GIGYF1: variants seen among roughly 807,000 people sequenced by gnomAD.
GIGYF1 encodes GRB10-interacting GYF protein 1.
GIGYF1 carries 84 observed loss-of-function variants against 147.1 expected under a neutral mutation model. The ratio of observed to expected loss-of-function variants is 0.57; its 90% CI spans 0.48 to 0.68. GIGYF1 has a LOEUF of 0.68. Among genes scored for constraint, GIGYF1 ranks in the 30% least tolerant of loss-of-function variants. The probability of loss-of-function intolerance (pLI) is 0.00; values close to 1 mark genes in which losing one functional copy is unlikely to be tolerated. For synonymous variants in GIGYF1, 752 were observed against 589.5 expected (o/e 1.28, Z -3.99); for missense variants, 1,485 against 1,393.7 (o/e 1.07, Z -1.04).
chr7:100,683,171 G>T lies in GIGYF1; in HGVS notation c.2253C>A (p.Pro751=), dbSNP rs1486842869. 6.2e-7 allele frequency: 1 copy of T among 1,604,682 alleles called. No individual in the cohort carries two copies. Among genetic ancestry groups the T allele is most frequent in the Admixed American group, 1.7e-5 (1 of 59,622 alleles). The change falls in exon 22 of 27, where the codon CCC becomes CCA. Residue 751 remains proline (P), a synonymous_variant. Transcript: ENST00000678049. ...GTGGGGGCGGGGAGCTGGGTGCGGG[G>T]GGCACAGGGACCGCCTGCTGCTGCT... The part of the protein sequence containing the change: ...LLQQQQAVPV[P]PAPSSPPPLW...
rs1805080204 is a variant in GIGYF1 at position 100,684,113 on chromosome 7, C to G, written c.1775G>C (p.Gly592Ala). The change falls in exon 18 of 27, where the codon GGG becomes GCG. Residue 592 changes from glycine to alanine, a missense_variant. Physicochemically the swap from Gly to Ala is moderately conservative, Grantham distance 60 (BLOSUM62 0). Transcript: ENST00000678049. ...QCALREKAAL[G>A]DLTPPPPPPP... ...CGGCGGTGGTGGCGGTGTCAGGTCC[C>G]CCAGAGCTGCCTTTTCTCGGAGCGC... 1 of 1,608,212 alleles carries G rather than the reference C, an allele frequency of 6.2e-7. No individual in the cohort carries two copies. The highest frequency in any genetic ancestry group is 1.3e-5 in the African/African-American group (1 of 74,922).
In GIGYF1 at chr7:100,683,040, G is replaced by A. The variant is rs770017575; in HGVS notation, c.2384C>T (p.Ala795Val). The A allele has an allele frequency of 1.0e-5, 16 of 1,558,168 alleles. No individual in the cohort carries two copies. The highest frequency in any genetic ancestry group is 1.4e-5 in the Non-Finnish European group (16 of 1,157,428). Residue 795 changes from alanine to valine, a missense_variant, in exon 22 of 27, where the codon GCT becomes GTT. Transcript: ENST00000678049. Reference sequence around the variant, plus strand: ...TCGGTGGTTGGGGGCCTGGGCCCGAGCTGGCTCCCGAGGTGGGGGCTGTTT... The same window carrying A: ...TCGGTGGTTGGGGGCCTGGGCCCGAACTGGCTCCCGAGGTGGGGGCTGTTT... ...LHKQPPPREP[A>V]RAQAPNHRVQ...
rs768030048 is a variant in GIGYF1 at position 100,686,681 on chromosome 7, C to T, written c.662G>A (p.Arg221Gln). Residue 221 changes from arginine (R) to glutamine (Q), a missense_variant, in exon 10 of 27, where the codon CGA becomes CAA. Coordinates refer to ENST00000678049, the MANE Select transcript of GIGYF1 (RefSeq NM_001375765.1). ...GSWRLGAGPR[R>Q]DGDRWRSASP... ...GGCGGAGCGCCAGCGGTCGCCGTCT[C>T]GCCGGGGCCCTGCTCCGAGCCTCCA... The T allele has an allele frequency of 3.5e-5, 56 of 1,612,786 alleles. No homozygotes were observed. The highest frequency in any genetic ancestry group is 1.7e-4 in the Middle Eastern group (1 of 6,052).
chr7:100,686,768 C>A lies in GIGYF1; in HGVS notation c.575G>T (p.Arg192Leu). ...GGAGPRKEHA[R>L]SDSENWRSLR... is the part of the protein sequence containing the mutation. ...GGAGCGCCAGTTCTCGCTGTCTGAG[C>A]GGGCGTGCTCCTTCCTTGGGCCAGC... Residue 192 changes from arginine to leucine, a missense_variant, in exon 10 of 27, where the codon CGC becomes CTC. Physicochemically the swap from Arg to Leu is moderately radical, Grantham distance 102. Transcript: ENST00000678049. 6.2e-7 allele frequency: 1 copy of A among 1,614,042 alleles called. No individual in the cohort carries two copies. The highest frequency in any genetic ancestry group is 8.5e-7 in the Non-Finnish European group (1 of 1,180,012).
rs757884638 is a variant in GIGYF1 at position 100,682,689 on chromosome 7, C to G, written c.2501G>C (p.Gly834Ala). The G allele has an allele frequency of 6.3e-7, 1 of 1,599,554 alleles. No homozygotes were observed. Among genetic ancestry groups the G allele is most frequent in the Admixed American group, 1.7e-5 (1 of 58,376 alleles). The change falls in exon 23 of 27, where the codon GGC (glycine) becomes GCC (alanine). Residue 834 changes from glycine to alanine, a missense_variant. Coordinates refer to ENST00000678049, the MANE Select transcript of GIGYF1 (RefSeq NM_001375765.1). The part of the protein sequence containing the change: ...LWGGPDKSGG[G>A]SSGLGLWEDT... ...CTCCCAGAGCCCCAGGCCGCTGCTG[C>G]CGCCCCCACTCTTGTCTGGCCCGCC...
chr7:100,691,090 TG>T (rs1236427365), intron 1 of GIGYF1, among the ~76,000 whole-genome samples: 1 of 152,320 alleles, frequency 6.6e-6, no homozygotes, highest in South Asian at 2.1e-4. Context: ...TGATGGTGCC[TG>T]GCCCCTTCCT....
In GIGYF1 at chr7:100,682,173, G is replaced by C. The variant is rs773640010; in HGVS notation, c.2824C>G (p.Arg942Gly). The change falls in exon 25 of 27, where the codon CGT becomes GGT. Residue 942 changes from arginine (R) to glycine (G), a missense_variant. By Grantham distance (125) the Arg-to-Gly change is moderately radical. Transcript: ENST00000678049. ...ESPYDVHDYI[R>G]SCLGDTLEAK... is the part of the protein sequence containing the mutation. Reference sequence around the variant, plus strand: ...TCCAGCGTGTCCCCCAGGCAGGAACGGATATAATCGTGGACATCATAGGGG... The same window carrying C: ...TCCAGCGTGTCCCCCAGGCAGGAACCGATATAATCGTGGACATCATAGGGG... 1 of 1,613,938 alleles carries C rather than the reference G, an allele frequency of 6.2e-7. No homozygotes were observed.
rs532695822 is a variant in GIGYF1, at chr7:100,684,146, G to A, written c.1742C>T (p.Pro581Leu). The A allele has an allele frequency of 1.1e-5, 17 of 1,608,442 alleles. 1 individual carries two copies. The highest frequency in any genetic ancestry group is 5.5e-5 in the South Asian group (5 of 91,002). The change falls in exon 18 of 27, where the codon CCA (proline) becomes CTA (leucine). Residue 581 changes from proline (P) to leucine (L), a missense_variant. Pro to Leu is a moderately conservative substitution (Grantham distance 98). Transcript: ENST00000678049. The part of the protein sequence containing the change: ...FLQLVSSRQL[P>L]QCALREKAAL... The stretch of plus-strand genomic sequence containing the variant: ...TGCCTTTTCTCGGAGCGCGCACTGT[G>A]GGAGCTGGCGGCTGCAAATGGGACA...
At position 100,683,405 on chromosome 7, in the gene GIGYF1, CCCGCTTCGCCCTGAG is replaced by C; in HGVS notation, c.2077_2091del (p.Leu693_Arg697del). ...TCTCGACGCTTGCGTTCCTCTTCCT[CCCGCTTCGCCCTGAG>C]CTCCACTTCTCTGCGCTCCTGGAAC... On this transcript the variant is annotated inframe_deletion, in exon 21 of 27. Coordinates refer to ENST00000678049, the MANE Select transcript of GIGYF1 (RefSeq NM_001375765.1). 3.1e-6 allele frequency: 5 copies of C among 1,613,804 alleles called. No homozygotes were observed. The highest frequency in any genetic ancestry group is 4.2e-6 in the Non-Finnish European group (5 of 1,180,022).
At position 100,688,282 on chromosome 7, in the gene GIGYF1, G is replaced by T; in HGVS notation, c.-44C>A. 5 of 1,269,156 alleles carry T rather than the reference G, an allele frequency of 3.9e-6. No individual in the cohort carries two copies. The highest frequency in any genetic ancestry group is 5.8e-6 in the Non-Finnish European group (5 of 868,870). The allele number at this position is 1,269,156 out of a possible 1,614,324, so 78.6% of individuals were successfully genotyped here. A position where few individuals can be genotyped will look rare whatever the true frequency, so the allele number is the denominator to read the frequency against. On this transcript the variant is annotated 5_prime_UTR_variant, in exon 4 of 27. Coordinates refer to ENST00000678049, the MANE Select transcript of GIGYF1 (RefSeq NM_001375765.1). ...TGAGAGGCCGGGGGTGGGGAGGAGG[G>T]GACCTGGCGTTCACTGTCCAAACAC...
At chr7:100,684,970 G>T in intron 14 of GIGYF1, 76 bp from the exon 15 acceptor site, 2 of 1,557,312 alleles carry the variant, frequency 1.3e-6, no homozygotes, top group Non-Finnish European at 8.6e-7. Flanking sequence ...GATGGAGCTT[G>T]AGCTGGGGCC....
chr7:100,684,567 A>G lies in GIGYF1; in HGVS notation c.1512T>C (p.Phe504=). ...CCCGCTTCACCAGCAGTGACATGGAAAAGTAGCCGGCCTGGAACCACTCTG... is the reference window on the plus strand; with the variant it reads ...CCCGCTTCACCAGCAGTGACATGGAGAAGTAGCCGGCCTGGAACCACTCTG... ...EMAEWFQAGY[F]SMSLLVKRGC... Residue 504 remains phenylalanine (F), a synonymous_variant, in exon 16 of 27, where the codon TTT becomes TTC. Transcript: ENST00000678049. The G allele has an allele frequency of 2.5e-6, 4 of 1,614,176 alleles. No homozygotes were observed. Among genetic ancestry groups the G allele is most frequent in the Non-Finnish European group, 1.7e-6 (2 of 1,180,030 alleles).
chr7:100,685,625 G>A, intron 12 of GIGYF1, 144 bp from the exon 13 acceptor site: 7 of 897,690 alleles, frequency 7.8e-6, no homozygotes, highest in African/African-American at 1.7e-5. Context: ...CTCAACTAAT[G>A]GCAGAGGGAA....
At position 100,686,388 on chromosome 7, in the gene GIGYF1, C is replaced by T. The variant is rs374895463; in HGVS notation, c.740G>A (p.Arg247Gln). The change falls in exon 11 of 27, where the codon CGG (arginine) becomes CAG (glutamine). Residue 247 changes from arginine to glutamine, a missense_variant. Transcript: ENST00000678049. ...TCGCAAATCAAATTCAAACTTGCGC[C>T]GCCGTTCCCCATGTTCCCGCCAGCC... Reference protein sequence around the residue: ...SAGWREHGERRRKFEFDLRGD... With the variant: ...SAGWREHGERQRKFEFDLRGD... 3.2e-5 allele frequency: 52 copies of T among 1,610,966 alleles called. No homozygotes were observed. The highest frequency in any genetic ancestry group is 4.0e-5 in the Non-Finnish European group (47 of 1,178,478).
Position 100,685,173 on chromosome 7 carries a change from A to G in GIGYF1, c.1193-27T>C, listed in dbSNP as rs2131378842. 2.6e-6 allele frequency: 4 copies of G among 1,552,810 alleles called. No individual in the cohort carries two copies. In the East Asian group the frequency reaches 9.4e-5, roughly 36 times the overall value. On this transcript the variant is annotated intron_variant, in intron 13 of 26. Transcript: ENST00000678049. ...TGGAAGGCATGAGATAGGAGGTGGAAAGAAGGGCGGGGAGGAGACAAGATA... is the reference window on the plus strand; with the variant it reads ...TGGAAGGCATGAGATAGGAGGTGGAGAGAAGGGCGGGGAGGAGACAAGATA...
At chr7:100,693,436 G>A (rs1423142245) in intron 1 of GIGYF1, among the ~76,000 whole-genome samples, 1 of 152,192 alleles carries the variant, frequency 6.6e-6, no homozygotes, top group Admixed American at 6.5e-5. Context: ...CCGCGGCCGA[G>A]CAACTGGGAA....
chr7:100,682,763 C>T lies in GIGYF1; in HGVS notation c.2427G>A (p.Leu809=), dbSNP rs1313429055. ...CCCACTGGTTCAGGGGGGCAGTGCC[C>T]AGGCCCCCAAGCTGCTACAGATGGC... ...APNHRVQLGG[L]GTAPLNQWVS... The change falls in exon 23 of 27, where the codon CTG becomes CTA. Residue 809 remains leucine, a synonymous_variant. Transcript: ENST00000678049. 9 of 1,528,054 alleles carry T rather than the reference C, an allele frequency of 5.9e-6. No homozygotes were observed. Among genetic ancestry groups the T allele is most frequent in the South Asian group, 1.3e-5 (1 of 77,490 alleles). 94.7% of individuals were successfully genotyped at this position (1,528,054 alleles called of 1,614,324 possible).
In GIGYF1 at chr7:100,684,042, G is replaced by A. The variant is rs1270433147; in HGVS notation, c.1846C>T (p.Leu616Phe). The change falls in exon 18 of 27, where the codon CTC becomes TTC. Residue 616 changes from leucine to phenylalanine, a missense_variant. Transcript: ENST00000678049. Reference protein sequence around the residue: ...QQQLTAFLQQLQALKPPRGGD... With the variant: ...QQQLTAFLQQFQALKPPRGGD... ...CACCTGGGGGGTTTGAGCGCCTGGA[G>A]CTGCTGCAGGAATGCCGTGAGCTGC... 1 of 1,605,870 alleles carries A rather than the reference G, an allele frequency of 6.2e-7. No individual in the cohort carries two copies. The highest frequency in any genetic ancestry group is 8.5e-7 in the Non-Finnish European group (1 of 1,179,612).
chr7:100,685,413 G>A lies in GIGYF1; in HGVS notation c.1123C>T (p.Leu375=), dbSNP rs1218644190. The A allele has an allele frequency of 6.3e-7, 1 of 1,589,268 alleles. No homozygotes were observed. Among genetic ancestry groups the A allele is most frequent in the Non-Finnish European group, 8.5e-7 (1 of 1,174,220 alleles). The stretch of plus-strand genomic sequence containing the variant: ...CCGTTTGTCCCCCAGAGTGGGCCCA[G>A]GGTGGGCAGTGGGGATGGGGAGCTG... The part of the protein sequence containing the change: ...KSSSPSPLPT[L]GPLWGTNGDG... Residue 375 remains leucine, a synonymous_variant, in exon 13 of 27, where the codon CTG becomes TTG. Coordinates refer to ENST00000678049, the MANE Select transcript of GIGYF1 (RefSeq NM_001375765.1).
Sources: allele counts gnomAD v4.1 joint callset (sites outside exome capture counted in the v4.1 genomes callset), GRCh38; gene constraint gnomAD v4.1.1; transcripts MANE v1.5; gene names NCBI Gene and HGNC (gene_info 2026-07-23, HGNC 2026-07-21).